AP2A2: variants seen among roughly 807,000 people sequenced by gnomAD.
The protein encoded by AP2A2 is adaptor related protein complex 2 subunit alpha 2.
Under a neutral mutation model 104.2 loss-of-function variants are expected in AP2A2, and 32 were observed. That is an observed-to-expected ratio of 0.31 (90% CI 0.23 to 0.41). The LOEUF (loss-of-function observed/expected upper bound fraction) is 0.41. AP2A2 is among the 10% of genes least tolerant of loss of function. The pLI, the probability that AP2A2 is intolerant of heterozygous loss-of-function variation, is 1.00. For missense variants in AP2A2, 912 were observed against 1,261.0 expected (o/e 0.72, Z 4.19); for synonymous variants, 539 against 533.3 (o/e 1.01, Z -0.15).
intron 1 of AP2A2, among the ~76,000 whole-genome samples, chr11:953,877 C>T (rs1174972229): frequency 6.6e-6 from 1 of 151,360 alleles, no homozygotes; most frequent in Admixed American, 6.6e-5. Flanking sequence ...CTCTGTTGCC[C>T]AGGCTGTAGT....
At chr11:926,403 T>C (rs1466286556) in intron 1 of AP2A2, among the ~76,000 whole-genome samples, 1 of 147,864 alleles carries the variant, frequency 6.8e-6, no homozygotes, top group African/African-American at 2.5e-5. Flanking sequence ...GTGTCCAGGG[T>C]CTAGGGGTGC....
At chr11:971,158 A>T (rs1854814192) in intron 3 of AP2A2, among the ~76,000 whole-genome samples, 1 of 152,218 alleles carries the variant, frequency 6.6e-6, no homozygotes, top group Non-Finnish European at 1.5e-5. Flanking sequence ...GGACGGAGGC[A>T]CAGGGACTGG....
chr11:983,085 A>G (rs1285083503), intron 6 of AP2A2, among the ~76,000 whole-genome samples: 1 of 130,226 alleles, frequency 7.7e-6, no homozygotes, highest in Non-Finnish European at 1.5e-5. Context: ...CAATGGCACG[A>G]TCTCGGTTTA....
Position 1,009,913 on chromosome 11 carries a change from T to C in AP2A2, c.2742+96T>C. The stretch of plus-strand genomic sequence containing the variant: ...TGTGTAGCTCTTTAGTGCAGTTCAG[T>C]CAGTTTTGACAGATGTTGTTTAACC... On this transcript the variant is annotated intron_variant, in intron 21 of 21. Coordinates refer to ENST00000448903, the MANE Select transcript of AP2A2 (RefSeq NM_012305.4). The C allele has an allele frequency of 2.1e-6, 3 of 1,429,330 alleles. No individual in the cohort carries two copies. The South Asian group carries it at 4.1e-5, about 20-fold the overall frequency. 88.5% of individuals were successfully genotyped at this position (1,429,330 alleles called of 1,614,324 possible).
At chr11:998,703 G>A (rs1638617561) in intron 14 of AP2A2, among the ~76,000 whole-genome samples, 1 of 152,026 alleles carries the variant, frequency 6.6e-6, no homozygotes, top group African/African-American at 2.4e-5. Context: ...TCTCCACCAA[G>A]AGCCCCTGGT....
rs566373177 is a variant in AP2A2, at chr11:993,260, C to T, written c.1453-24C>T. ...TAACTCTGGCACCTGGCTGCCACCC[C>T]GGCTCATTGTTTGTGCTTCGCAGGC... is the stretch of plus-strand genomic sequence containing the variant. On this transcript the variant is annotated intron_variant, in intron 11 of 21. Coordinates refer to ENST00000448903, the MANE Select transcript of AP2A2 (RefSeq NM_012305.4). The surrounding 1 kb of genome is among the most constrained non-coding windows in gnomAD (Gnocchi z 8.2). 7.8e-5 allele frequency: 124 copies of T among 1,586,882 alleles called. No homozygotes were observed. The highest frequency in any genetic ancestry group is 4.6e-4 in the Admixed American group (25 of 54,646).
At chr11:985,361 G>T in intron 7 of AP2A2, 74 bp from the exon 8 acceptor site, 1 of 1,520,838 alleles carries the variant, frequency 6.6e-7, no homozygotes, top group Middle Eastern at 1.9e-4. Flanking sequence ...ATGATGTATG[G>T]GTGCAGCCGG....
intron 4 of AP2A2, among the ~76,000 whole-genome samples, chr11:974,060 A>C (rs1390573704): frequency 6.6e-6 from 1 of 152,148 alleles, no homozygotes; most frequent in African/African-American, 2.4e-5. Context: ...CAGGGTGAGG[A>C]GGGGTCTCCA....
At chr11:934,839 G>A (rs1853399513) in intron 1 of AP2A2, among the ~76,000 whole-genome samples, 1 of 151,986 alleles carries the variant, frequency 6.6e-6, no homozygotes, top group African/African-American at 2.4e-5. Flanking sequence ...AGCTGAAATA[G>A]CAAGTACGTG....
intron 1 of AP2A2, among the ~76,000 whole-genome samples, chr11:928,724 C>T (rs542770015): frequency 6.6e-6 from 1 of 152,352 alleles, no homozygotes; most frequent in Non-Finnish European, 1.5e-5. Context: ...CCTGAAGGAG[C>T]TCGTAGAAGA....
chr11:928,453 T>C (rs1853187017), intron 1 of AP2A2, among the ~76,000 whole-genome samples: 2 of 152,220 alleles, frequency 1.3e-5, no homozygotes, highest in Admixed American at 6.5e-5. Context: ...TACCTGTGGA[T>C]ATGGGGAAAC....
chr11:987,719 G>A (rs1404773636), intron 9 of AP2A2, among the ~76,000 whole-genome samples: 3 of 152,056 alleles, frequency 2.0e-5, no homozygotes, highest in Non-Finnish European at 4.4e-5. Flanking sequence ...CAGCCTTTGC[G>A]AGTCTCCAGA....
chr11:988,653 T>C lies in AP2A2; in HGVS notation c.1233T>C (p.Tyr411=). Residue 411 remains tyrosine (Y), a synonymous_variant, in exon 10 of 22, where the codon TAT becomes TAC. Coordinates refer to ENST00000448903, the MANE Select transcript of AP2A2 (RefSeq NM_012305.4). ...AGATCGTGGCCGAGATGCTGAGCTATCTGGAGACAGCTGACTACTCCATCC... is the reference window on the plus strand; with the variant it reads ...AGATCGTGGCCGAGATGCTGAGCTACCTGGAGACAGCTGACTACTCCATCC... ...APQIVAEMLS[Y]LETADYSIRE... The C allele has an allele frequency of 1.9e-6, 3 of 1,613,762 alleles. No individual in the cohort carries two copies. Among genetic ancestry groups the C allele is most frequent in the East Asian group, 2.2e-5 (1 of 44,884 alleles).
At chr11:933,288 C>A (rs1373967372) in intron 1 of AP2A2, among the ~76,000 whole-genome samples, 2 of 152,048 alleles carry the variant, frequency 1.3e-5, no homozygotes, top group Non-Finnish European at 2.9e-5. Context: ...AAACAAAAAA[C>A]CCCAGAAATG....
At chr11:976,236 C>G (rs1855032098) in intron 4 of AP2A2, among the ~76,000 whole-genome samples, 1 of 152,184 alleles carries the variant, frequency 6.6e-6, no homozygotes. Flanking sequence ...CCTACTCCTC[C>G]TTGCAGGGGC....
intron 1 of AP2A2, among the ~76,000 whole-genome samples, chr11:943,933 C>T (rs570431117): frequency 8.6e-5 from 11 of 127,488 alleles, no homozygotes; most frequent in East Asian, 2.4e-4. Context: ...GAGTCCCGAC[C>T]GGAGACGCAG....
intron 1 of AP2A2, among the ~76,000 whole-genome samples, chr11:944,879 G>C (rs1853781485): frequency 7.3e-6 from 1 of 137,432 alleles, no homozygotes; most frequent in Admixed American, 7.4e-5. Flanking sequence ...TAGGGGGTTA[G>C]GTTGGGGGGA....
intron 4 of AP2A2, among the ~76,000 whole-genome samples, chr11:974,996 A>G (rs1403090859): frequency 6.6e-6 from 1 of 152,214 alleles, no homozygotes; most frequent in Non-Finnish European, 1.5e-5. Context: ...AAACAAAAAC[A>G]AAAACATGCT....
At chr11:939,951 CTTTTTTTTTTT>C (rs145184268) in intron 1 of AP2A2, among the ~76,000 whole-genome samples, 4 of 106,060 alleles carry the variant, frequency 3.8e-5, no homozygotes, top group African/African-American at 1.5e-4. Flanking sequence ...GTTTTGCTTA[CTTTTTTTTTTT>C]TTTTTTTTTT....
Sources: allele counts gnomAD v4.1 joint callset (sites outside exome capture counted in the v4.1 genomes callset), GRCh38; gene constraint gnomAD v4.1.1; non-coding constraint Gnocchi (gnomAD v3.1); transcripts MANE v1.5; gene names NCBI Gene and HGNC (gene_info 2026-07-23, HGNC 2026-07-21).